MAGI1: variants seen among roughly 807,000 people sequenced by gnomAD.
The protein encoded by MAGI1 is membrane-associated guanylate kinase, WW and PDZ domain-containing protein 1.
Under a neutral mutation model 139.9 loss-of-function variants are expected in MAGI1, and 58 were observed. That is an observed-to-expected ratio of 0.41 (90% CI 0.34 to 0.52). MAGI1 has a LOEUF of 0.52. Among genes scored for constraint, MAGI1 ranks in the 20% least tolerant of loss-of-function variants. MAGI1 has a pLI of 0.12. For synonymous variants in MAGI1, 812 were observed against 737.9 expected (o/e 1.10, Z -1.63); for missense variants, 1,874 against 1,901.6 (o/e 0.99, Z 0.27).
At chr3:66,036,664 T>A (rs577906861) in intron 1 of MAGI1, among the ~76,000 whole-genome samples, 56 of 152,302 alleles carry the variant, frequency 3.7e-4, no homozygotes, top group African/African-American at 4.8e-4. Flanking sequence ...CTCCATTTCA[T>A]CTGGAGCACG....
intron 1 of MAGI1, among the ~76,000 whole-genome samples, chr3:65,834,844 T>C (rs949278852): frequency 7.2e-5 from 11 of 152,220 alleles, no homozygotes; most frequent in African/African-American, 2.4e-4. Context: ...TCCCTCTCTG[T>C]CTCTGGTAAT....
chr3:65,632,024 CAA>C (rs397962718), intron 1 of MAGI1, among the ~76,000 whole-genome samples: 3 of 126,386 alleles, frequency 2.4e-5, no homozygotes, highest in Non-Finnish European at 1.8e-5. Context: ...GACTCCGTCT[CAA>C]AAAAAAAAAA....
At chr3:65,840,402 T>C (rs1346707649) in intron 1 of MAGI1, among the ~76,000 whole-genome samples, 1 of 152,234 alleles carries the variant, frequency 6.6e-6, no homozygotes, top group African/African-American at 2.4e-5. Context: ...AGGTTTTATG[T>C]AGATACTCCA....
At chr3:65,558,736 G>A (rs947964209) in intron 2 of MAGI1, among the ~76,000 whole-genome samples, 4 of 151,970 alleles carry the variant, frequency 2.6e-5, no homozygotes, top group Admixed American at 1.3e-4. Flanking sequence ...CTGATCTACC[G>A]AATCAGAATT....
intron 1 of MAGI1, among the ~76,000 whole-genome samples, chr3:65,966,556 C>T (rs1208415197): frequency 2.0e-5 from 3 of 150,112 alleles, no homozygotes; most frequent in Non-Finnish European, 2.9e-5. Context: ...AGTTCGAGGT[C>T]GCAGTGGACT....
At chr3:65,816,073 A>AT (rs943473324) in intron 1 of MAGI1, among the ~76,000 whole-genome samples, 46 of 152,048 alleles carry the variant, frequency 3.0e-4, no homozygotes, top group South Asian at 1.2e-3. Flanking sequence ...CACTGAGGGC[A>AT]TTTTTTCAAA....
At chr3:65,482,194 C>T (rs1361065491) in intron 3 of MAGI1, among the ~76,000 whole-genome samples, 1 of 152,182 alleles carries the variant, frequency 6.6e-6, no homozygotes, top group Non-Finnish European at 1.5e-5. Flanking sequence ...GACTCTGGGC[C>T]AGTCTTTGTC....
intron 1 of MAGI1, among the ~76,000 whole-genome samples, chr3:65,952,635 A>G (rs997573520): frequency 2.0e-5 from 3 of 152,136 alleles, no homozygotes; most frequent in Non-Finnish European, 2.9e-5. Flanking sequence ...TAAAACAGTA[A>G]AACCCCATCT....
At chr3:65,951,419 T>C (rs1397514793) in intron 1 of MAGI1, among the ~76,000 whole-genome samples, 1 of 152,176 alleles carries the variant, frequency 6.6e-6, no homozygotes, top group Admixed American at 6.5e-5. Context: ...TTGTTAAACG[T>C]AAAAACAGAT....
At chr3:65,597,922 G>C (rs1038166885) in intron 2 of MAGI1, 5 of 417,510 alleles carry the variant, frequency 1.2e-5, no homozygotes, top group Non-Finnish European at 2.4e-5. Flanking sequence ...AGAGAGGCGG[G>C]GGTGGGGGGG....
At chr3:65,427,851 T>C (rs1465673456) in intron 12 of MAGI1, among the ~76,000 whole-genome samples, 1 of 152,188 alleles carries the variant, frequency 6.6e-6, no homozygotes, top group Admixed American at 6.5e-5. Context: ...TCATCATTAT[T>C]GTCATAATCG....
chr3:65,614,928 G>A (rs918826871), intron 2 of MAGI1, among the ~76,000 whole-genome samples: 1 of 151,778 alleles, frequency 6.6e-6, no homozygotes. Flanking sequence ...AGGCTGAGGT[G>A]GGAGGATCAC....
intron 1 of MAGI1, among the ~76,000 whole-genome samples, chr3:65,767,500 C>T (rs1294925582): frequency 6.6e-6 from 1 of 152,048 alleles, no homozygotes; most frequent in Non-Finnish European, 1.5e-5. Context: ...TTACTCAAAG[C>T]ATTTTCAAAA....
At chr3:65,936,419 C>T (rs1463670388) in intron 1 of MAGI1, among the ~76,000 whole-genome samples, 2 of 152,076 alleles carry the variant, frequency 1.3e-5, no homozygotes, top group African/African-American at 4.8e-5. Flanking sequence ...ATACCGATCA[C>T]CTGAGGGCAG....
rs2082354746 is a variant in MAGI1, at chr3:65,598,922, G to C, written c.430+23050C>G. ...AGGTAAGTTTTCTCTATTTTCAAAT[G>C]GTCAGTCATTGCTGAAGCTACACCT... On this transcript the variant is annotated intron_variant, in intron 2 of 22. Transcript: ENST00000402939. Among the ~76,000 whole-genome samples the C allele has an allele frequency of 4.6e-5, 7 of 152,196 alleles. No individual in the cohort carries two copies. The South Asian group carries it at 1.4e-3, about 31-fold the overall frequency.
chr3:65,479,209 A>T (rs999739146), intron 3 of MAGI1, among the ~76,000 whole-genome samples: 3 of 152,256 alleles, frequency 2.0e-5, no homozygotes, highest in Non-Finnish European at 4.4e-5. Flanking sequence ...AGGCCTAAAA[A>T]GTTGAGGTCA....
At chr3:65,610,793 T>C (rs1417302405) in intron 2 of MAGI1, among the ~76,000 whole-genome samples, 1 of 141,180 alleles carries the variant, frequency 7.1e-6, no homozygotes, top group African/African-American at 2.6e-5. Context: ...ATAGTATATA[T>C]AGTATATATA....
intron 1 of MAGI1, among the ~76,000 whole-genome samples, chr3:65,674,603 A>C (rs1184575685): frequency 6.6e-6 from 1 of 152,144 alleles, no homozygotes; most frequent in African/African-American, 2.4e-5. Flanking sequence ...CAGTTTCAAC[A>C]CTGCCTTTCC....
At chr3:65,853,110 G>A (rs1484179865) in intron 1 of MAGI1, among the ~76,000 whole-genome samples, 8 of 151,806 alleles carry the variant, frequency 5.3e-5, no homozygotes, top group Non-Finnish European at 1.2e-4. Flanking sequence ...CAAGTGCATT[G>A]AGCCGAGATT....
Sources: allele counts gnomAD v4.1 joint callset (sites outside exome capture counted in the v4.1 genomes callset), GRCh38; gene constraint gnomAD v4.1.1; transcripts MANE v1.5; gene names NCBI Gene and HGNC (gene_info 2026-07-23, HGNC 2026-07-21).